UGGT2: variants seen among roughly 807,000 people sequenced by gnomAD.
UGGT2 encodes UDP-glucose glycoprotein glucosyltransferase 2, also known as UDP-glucose:glycoprotein glucosyltransferase 2.
Under a neutral mutation model 192.1 loss-of-function variants are expected in UGGT2, and 180 were observed. That is an observed-to-expected ratio of 0.94 (90% CI 0.83 to 1.06). UGGT2 has a LOEUF of 1.06. Among genes scored for constraint, UGGT2 ranks in the 50% least tolerant of loss-of-function variants. The pLI, the probability that UGGT2 is intolerant of heterozygous loss-of-function variation, is 0.00. For synonymous variants in UGGT2, 580 were observed against 591.0 expected (o/e 0.98, Z 0.27); for missense variants, 1,849 against 1,795.7 (o/e 1.03, Z -0.54).
At chr13:95,830,820 C>T (rs1467780655) in intron 38 of UGGT2, among the ~76,000 whole-genome samples, 2 of 152,324 alleles carry the variant, frequency 1.3e-5, no homozygotes, top group Admixed American at 1.3e-4. Context: ...TATAAAGACA[C>T]ATGCACACAT....
chr13:95,843,269 T>C (rs1244486506), intron 36 of UGGT2, among the ~76,000 whole-genome samples: 1 of 152,198 alleles, frequency 6.6e-6, no homozygotes, highest in Admixed American at 6.5e-5. Context: ...CAGGTATATA[T>C]CCTTTCAACA....
intron 38 of UGGT2, among the ~76,000 whole-genome samples, chr13:95,813,150 C>T (rs1003370878): frequency 2.6e-5 from 4 of 152,102 alleles, no homozygotes; most frequent in East Asian, 1.9e-4. Context: ...TACCTGAAAA[C>T]GTGGACACAA....
intron 13 of UGGT2, 64 bp downstream of exon 13, chr13:95,949,271 T>G: frequency 7.5e-7 from 1 of 1,335,298 alleles, no homozygotes. Flanking sequence ...GACAGAAGGA[T>G]AATCCAGAAA....
chr13:95,830,311 A>G (rs1684146782), intron 38 of UGGT2, among the ~76,000 whole-genome samples: 1 of 152,236 alleles, frequency 6.6e-6, no homozygotes, highest in Non-Finnish European at 1.5e-5. Flanking sequence ...GCTTCTGCAC[A>G]GCAAAAGAAA....
chr13:95,911,474 A>G (rs2048495301), intron 20 of UGGT2, among the ~76,000 whole-genome samples: 1 of 152,228 alleles, frequency 6.6e-6, no homozygotes, highest in South Asian at 2.1e-4. Context: ...CAAATAAACT[A>G]GAAAATCTAG....
chr13:95,827,573 A>G (rs1028034433), intron 38 of UGGT2, among the ~76,000 whole-genome samples: 1 of 152,312 alleles, frequency 6.6e-6, no homozygotes. Context: ...ATAAATGTCC[A>G]GTTTAAGCCA....
At chr13:95,858,860 T>G (rs1210199875) in intron 33 of UGGT2, among the ~76,000 whole-genome samples, 1 of 152,184 alleles carries the variant, frequency 6.6e-6, no homozygotes, top group East Asian at 1.9e-4. Context: ...GTTAAACACT[T>G]GGCATCATGC....
chr13:95,863,460 T>C (rs557016304), intron 31 of UGGT2, 169 bp downstream of exon 31: 34 of 570,594 alleles, frequency 6.0e-5, no homozygotes, highest in South Asian at 2.4e-4. Context: ...ATCTGTCTTA[T>C]AGCTCTAGTT....
At chr13:95,898,240 C>G in intron 22 of UGGT2, among the ~76,000 whole-genome samples, 1 of 152,090 alleles carries the variant, frequency 6.6e-6, no homozygotes, top group East Asian at 1.9e-4. Flanking sequence ...AAAACATAAG[C>G]TAGATGATGC....
chr13:95,908,479 C>T (rs1594293395), intron 20 of UGGT2, among the ~76,000 whole-genome samples: 1 of 152,008 alleles, frequency 6.6e-6, no homozygotes, highest in South Asian at 2.1e-4. Context: ...GAAGGAAAAA[C>T]TGTTAAGGGC....
At chr13:96,015,700 A>C (rs2052314588) in intron 4 of UGGT2, among the ~76,000 whole-genome samples, 1 of 152,230 alleles carries the variant, frequency 6.6e-6, no homozygotes, top group Non-Finnish European at 1.5e-5. Flanking sequence ...AGCTTTCTGA[A>C]GACAATTTTG....
intron 30 of UGGT2, among the ~76,000 whole-genome samples, chr13:95,864,738 T>C (rs2140101430): frequency 6.6e-6 from 1 of 152,318 alleles, no homozygotes; most frequent in Admixed American, 6.5e-5. Context: ...GTTCAACAAT[T>C]AACTGTTTCT....
chr13:95,878,849 T>C (rs772398017), intron 27 of UGGT2, among the ~76,000 whole-genome samples: 2 of 152,222 alleles, frequency 1.3e-5, no homozygotes, highest in Non-Finnish European at 2.9e-5. Flanking sequence ...TCTTTCTTGA[T>C]TCTTGTTATT....
At chr13:95,885,507 C>G (rs927986141) in intron 26 of UGGT2, among the ~76,000 whole-genome samples, 13 of 152,164 alleles carry the variant, frequency 8.5e-5, no homozygotes, top group African/African-American at 2.9e-4. Context: ...AGAATGTCAG[C>G]AAGACAAAAG....
chr13:95,952,485 G>A (rs75520720), intron 12 of UGGT2, among the ~76,000 whole-genome samples: 1,929 of 152,216 alleles, frequency 0.013, 43 homozygotes, highest in African/African-American at 0.044. Flanking sequence ...TAGATTACAC[G>A]TAATGCCTAA....
At chr13:95,983,494 T>A in intron 10 of UGGT2, 4 of 451,112 alleles carry the variant, frequency 8.9e-6, no homozygotes, top group South Asian at 6.8e-5. Flanking sequence ...TCACAAGCTT[T>A]TAAGCAAAAC....
intron 38 of UGGT2, among the ~76,000 whole-genome samples, chr13:95,831,689 A>T (rs1282463618): frequency 6.6e-6 from 1 of 152,104 alleles, no homozygotes; most frequent in Admixed American, 6.6e-5. Context: ...TTATACAGCT[A>T]CTATACGTTT....
intron 24 of UGGT2, among the ~76,000 whole-genome samples, chr13:95,893,596 T>C (rs1488612911): frequency 6.6e-6 from 1 of 152,200 alleles, no homozygotes; most frequent in African/African-American, 2.4e-5. Context: ...GTGACTTTAA[T>C]GTAGAAATTT....
At chr13:95,829,786 G>A (rs557345380) in intron 38 of UGGT2, among the ~76,000 whole-genome samples, 24 of 151,512 alleles carry the variant, frequency 1.6e-4, no homozygotes, top group Non-Finnish European at 3.1e-4. Context: ...CTACTTTAAA[G>A]TTCATATGGA....
Sources: allele counts gnomAD v4.1 joint callset (sites outside exome capture counted in the v4.1 genomes callset), GRCh38; gene constraint gnomAD v4.1.1; transcripts MANE v1.5; gene names NCBI Gene and HGNC (gene_info 2026-07-23, HGNC 2026-07-21).